Variants in MGAT5 observed in about 807,000 individuals in gnomAD.
MGAT5 encodes the protein alpha-1,6-mannosylglycoprotein 6-beta-N-acetylglucosaminyltransferase.
A neutral mutation model predicts 94.3 loss-of-function variants in MGAT5; 30 were observed. The observed-to-expected ratio is 0.32, with a 90% CI of 0.24 to 0.43. MGAT5 has a LOEUF of 0.43. Among genes scored for constraint, MGAT5 ranks in the 20% least tolerant of loss-of-function variants. The pLI is 1.00. For synonymous variants in MGAT5, 310 were observed against 322.9 expected (o/e 0.96, Z 0.43); for missense variants, 691 against 905.5 (o/e 0.76, Z 3.04).
chr2:134,143,437 A>G (rs557657594), intron 1 of MGAT5, among the ~76,000 whole-genome samples: 6 of 152,290 alleles, frequency 3.9e-5, no homozygotes, highest in South Asian at 4.1e-4. Flanking sequence ...CTTGCTGCCT[A>G]TTTTGTAACA....
chr2:134,394,445 T>A (rs531371896), intron 10 of MGAT5, among the ~76,000 whole-genome samples: 92 of 152,356 alleles, frequency 6.0e-4, no homozygotes, highest in Admixed American at 1.9e-3. Context: ...GAGTATTACT[T>A]TGATGGAATC....
chr2:134,171,946 G>GGGT (rs1362674850), intron 1 of MGAT5, among the ~76,000 whole-genome samples: 3 of 152,182 alleles, frequency 2.0e-5, no homozygotes, highest in Non-Finnish European at 4.4e-5. Context: ...AAGAGCAAGG[G>GGGT]GGTGGCTCTC....
chr2:134,160,120 G>A lies in MGAT5; in HGVS notation c.-143+39829G>A, dbSNP rs141953824. Among the ~76,000 whole-genome samples the A allele has an allele frequency of 4.3e-3, 648 of 152,218 alleles. 5 individuals are homozygous for A. The highest frequency in any genetic ancestry group is 0.015 in the African/African-American group (611 of 41,528). On this transcript the variant is annotated intron_variant, in intron 1 of 16. Transcript: ENST00000409645. ...GTCAATCAGCATATTTGCCTGACTG[G>A]TGTGGTGGAGCCTGGGGTAAGTGGT... is the stretch of plus-strand genomic sequence containing the variant.
chr2:134,153,065 G>A (rs547741864), intron 1 of MGAT5, among the ~76,000 whole-genome samples: 7 of 151,992 alleles, frequency 4.6e-5, no homozygotes, highest in South Asian at 2.1e-4. Flanking sequence ...CACCACGCCC[G>A]GCTAATTTTT....
chr2:134,312,682 G>A (rs151282118), intron 2 of MGAT5, among the ~76,000 whole-genome samples: 160 of 152,166 alleles, frequency 1.1e-3, no homozygotes, highest in Non-Finnish European at 1.9e-3. Flanking sequence ...TTCCTCCCAC[G>A]TGTGCCAGCC....
At chr2:134,222,936 C>T (rs1257204) in intron 1 of MGAT5, among the ~76,000 whole-genome samples, 86,773 of 151,906 alleles carry the variant, frequency 0.57, 25,026 homozygotes, top group South Asian at 0.67. Context: ...GTTAGACTTA[C>T]AGCAATTAGC....
intron 1 of MGAT5, among the ~76,000 whole-genome samples, chr2:134,198,945 TTG>T (rs1306778300): frequency 6.6e-6 from 1 of 152,228 alleles, no homozygotes; most frequent in Non-Finnish European, 1.5e-5. Context: ...TGAATGGTAT[TTG>T]TGTGTTGTTA....
chr2:134,401,701 G>A (rs1683063841), intron 10 of MGAT5, among the ~76,000 whole-genome samples: 1 of 152,202 alleles, frequency 6.6e-6, no homozygotes, highest in Non-Finnish European at 1.5e-5. Flanking sequence ...GACATGGCAT[G>A]GAATTAAACT....
chr2:134,204,638 C>T (rs1679946939), intron 1 of MGAT5, among the ~76,000 whole-genome samples: 1 of 152,064 alleles, frequency 6.6e-6, no homozygotes, highest in African/African-American at 2.4e-5. Context: ...TGGTCTCTTT[C>T]CTGTAGGAAC....
chr2:134,331,586 C>T (rs957670216), intron 4 of MGAT5, among the ~76,000 whole-genome samples: 3 of 151,928 alleles, frequency 2.0e-5, no homozygotes, highest in Non-Finnish European at 2.9e-5. Context: ...TTTCCCAGGC[C>T]ATAAAAGCTG....
At chr2:134,166,745 G>A (rs1687979308) in intron 1 of MGAT5, among the ~76,000 whole-genome samples, 1 of 152,212 alleles carries the variant, frequency 6.6e-6, no homozygotes, top group African/African-American at 2.4e-5. Flanking sequence ...AAATGTCTCT[G>A]AATGTTTCCT....
intron 1 of MGAT5, among the ~76,000 whole-genome samples, chr2:134,134,350 A>G (rs1686310620): frequency 6.6e-6 from 1 of 152,192 alleles, no homozygotes. Flanking sequence ...AACTCACATT[A>G]GGAACACAGG....
intron 10 of MGAT5, among the ~76,000 whole-genome samples, chr2:134,383,846 AT>A (rs1322095029): frequency 6.6e-6 from 1 of 151,910 alleles, no homozygotes; most frequent in Admixed American, 6.6e-5. Flanking sequence ...TGCCCGGCTA[AT>A]TTTTTGTATT....
At position 134,195,083 on chromosome 2, in the gene MGAT5, C is replaced by T. The variant is rs536985092; in HGVS notation, c.-142-59179C>T. ...CTCTGATCTCAAATATCCCCCAGAA[C>T]ACAGTCGGCATCCATATAATGCATA... On this transcript the variant is annotated intron_variant, in intron 1 of 16. Coordinates refer to the MGAT5 transcript ENST00000409645. Among the ~76,000 whole-genome samples, 508 of 152,270 alleles carry T rather than the reference C, an allele frequency of 3.3e-3. 1 individual carries two copies. Among genetic ancestry groups the T allele is most frequent in the Middle Eastern group, 6.8e-3 (2 of 294 alleles).
At chr2:134,132,953 T>C (rs146674537) in intron 1 of MGAT5, among the ~76,000 whole-genome samples, 6 of 151,676 alleles carry the variant, frequency 4.0e-5, no homozygotes, top group African/African-American at 1.2e-4. Context: ...TTATAAGTAG[T>C]GTTATGCCCC....
chr2:134,205,820 G>T (rs1385293479), intron 1 of MGAT5, among the ~76,000 whole-genome samples: 2 of 152,198 alleles, frequency 1.3e-5, no homozygotes, highest in Admixed American at 6.5e-5. Context: ...TTCTGGGAGA[G>T]AAGTCAGCTG....
At chr2:134,252,203 G>A (rs1381922676), upstream of MGAT5, among the ~76,000 whole-genome samples, 1 of 152,144 alleles carries the variant, frequency 6.6e-6, no homozygotes, top group Non-Finnish European at 1.5e-5. Context: ...TGGCAAACAG[G>A]CTGGGTTTGA....
intron 1 of MGAT5, among the ~76,000 whole-genome samples, chr2:134,125,554 G>A (rs1685804196): frequency 6.6e-6 from 1 of 152,222 alleles, no homozygotes. Flanking sequence ...TCACCAGCAG[G>A]CAGCAGTGGC....
chr2:134,289,217 C>T (rs146614955), intron 2 of MGAT5, among the ~76,000 whole-genome samples: 2,505 of 152,270 alleles, frequency 0.016, 39 homozygotes, highest in Non-Finnish European at 0.028. Context: ...GCCCTTTGCT[C>T]GGCAGGACTG....
Sources: gnomAD v4.1 joint callset for allele counts (sites outside exome capture counted in the v4.1 genomes callset) on GRCh38, gnomAD v4.1.1 for gene constraint, MANE v1.5 for transcripts, NCBI Gene and HGNC (gene_info 2026-07-23, HGNC 2026-07-21) for gene names.